ADARB2: variants seen among roughly 807,000 people sequenced by gnomAD.
The protein encoded by ADARB2 is adenosine deaminase RNA specific B2 (inactive), also known as inactive double-stranded RNA-specific editase B2.
Under a neutral mutation model 62.2 loss-of-function variants are expected in ADARB2, and 25 were observed. That is an observed-to-expected ratio of 0.40 (90% CI 0.29 to 0.56). The LOEUF (loss-of-function observed/expected upper bound fraction) is 0.56. Among genes scored for constraint, ADARB2 ranks in the 20% least tolerant of loss-of-function variants. The pLI is 0.43. For synonymous variants in ADARB2, 572 were observed against 500.8 expected (o/e 1.14, Z -1.90); for missense variants, 1,071 against 1,077.4 (o/e 0.99, Z 0.08).
At chr10:1,440,427 T>TG in intron 1 of ADARB2, among the ~76,000 whole-genome samples, 1 of 150,978 alleles carries the variant, frequency 6.6e-6, no homozygotes, top group Non-Finnish European at 1.5e-5. Flanking sequence ...AACGCCTTTT[T>TG]TTTTTTTTTC....
At chr10:1,581,826 ATGTGTGTGTGTGTGTGTGTGTG>A (rs56180704) in intron 1 of ADARB2, among the ~76,000 whole-genome samples, 1 of 148,392 alleles carries the variant, frequency 6.7e-6, no homozygotes, top group African/African-American at 2.5e-5. Flanking sequence ...TTAGAAATAG[ATGTGTGTGTGTGTGTGTGTGTG>A]TGTGTGTGTG....
chr10:1,352,437 CT>C (rs1832153018), intron 3 of ADARB2, among the ~76,000 whole-genome samples: 1 of 152,184 alleles, frequency 6.6e-6, no homozygotes. Context: ...CTAGCTCTCC[CT>C]GACTCATCCT....
intron 1 of ADARB2, among the ~76,000 whole-genome samples, chr10:1,419,319 C>T (rs1247193444): frequency 1.3e-5 from 2 of 152,184 alleles, no homozygotes; most frequent in Non-Finnish European, 2.9e-5. Flanking sequence ...TGGTCTCGAA[C>T]TCCTGACCTC....
intron 3 of ADARB2, among the ~76,000 whole-genome samples, chr10:1,344,524 GTA>G (rs1442183546): frequency 1.3e-5 from 2 of 152,242 alleles, no homozygotes; most frequent in Non-Finnish European, 2.9e-5. Flanking sequence ...TGAACGCTGA[GTA>G]TAAGAGGGGA....
intron 1 of ADARB2, among the ~76,000 whole-genome samples, chr10:1,443,083 C>CAACA (rs140440943): frequency 0.03 from 4,517 of 152,190 alleles, 122 homozygotes; most frequent in African/African-American, 0.072. Flanking sequence ...TGAATAAAAA[C>CAACA]AACAAACAAA....
chr10:1,270,338 G>A (rs1464951202), intron 4 of ADARB2, among the ~76,000 whole-genome samples: 1 of 152,154 alleles, frequency 6.6e-6, no homozygotes, highest in African/African-American at 2.4e-5. Context: ...AAGTGTGTGA[G>A]AGTGTAGTGA....
intron 1 of ADARB2, among the ~76,000 whole-genome samples, chr10:1,441,372 A>T (rs1403934913): frequency 6.6e-6 from 1 of 152,266 alleles, no homozygotes; most frequent in Non-Finnish European, 1.5e-5. Context: ...CATCTGAAAG[A>T]AAGAAGAGTT....
At chr10:1,571,737 AATGGACAGGTGAGTGTG>A (rs1832937361) in intron 1 of ADARB2, among the ~76,000 whole-genome samples, 2 of 119,710 alleles carry the variant, frequency 1.7e-5, no homozygotes, top group African/African-American at 7.4e-5. Flanking sequence ...TGTGCAGGTG[AATGGACAGGTGAGTGTG>A]CAGGTGAGTG....
At chr10:1,732,389 C>A (rs201185543) in intron 1 of ADARB2, among the ~76,000 whole-genome samples, 1 of 151,766 alleles carries the variant, frequency 6.6e-6, no homozygotes, top group Non-Finnish European at 1.5e-5. Flanking sequence ...CTGCAGGAAC[C>A]GAGTCACCCC....
At chr10:1,609,934 C>T (rs897463012) in intron 1 of ADARB2, among the ~76,000 whole-genome samples, 1 of 152,254 alleles carries the variant, frequency 6.6e-6, no homozygotes, top group Admixed American at 6.5e-5. Context: ...ATTAGGATTG[C>T]AGCAGGCCGA....
chr10:1,733,214 T>G (rs1298864198), intron 1 of ADARB2, among the ~76,000 whole-genome samples: 1 of 152,148 alleles, frequency 6.6e-6, no homozygotes, highest in Non-Finnish European at 1.5e-5. Context: ...AACCCCAGCC[T>G]CCAATGTACC....
At chr10:1,566,934 A>C (rs1832867235) in intron 1 of ADARB2, among the ~76,000 whole-genome samples, 1 of 152,264 alleles carries the variant, frequency 6.6e-6, no homozygotes, top group African/African-American at 2.4e-5. Flanking sequence ...AAGATCAGAA[A>C]TGAAGAAGTA....
intron 1 of ADARB2, among the ~76,000 whole-genome samples, chr10:1,438,881 T>A (rs1484267249): frequency 2.4e-5 from 1 of 41,846 alleles, no homozygotes; most frequent in Non-Finnish European, 4.3e-5. Flanking sequence ...GGAGGCAGGT[T>A]CTTCACTATG....
chr10:1,673,523 G>C (rs926905368), intron 1 of ADARB2, among the ~76,000 whole-genome samples: 5 of 152,190 alleles, frequency 3.3e-5, no homozygotes, highest in Admixed American at 6.5e-5. Context: ...CTTTCTAGTA[G>C]TAGTCACAGA....
chr10:1,613,692 A>G (rs7897169), intron 1 of ADARB2, among the ~76,000 whole-genome samples: 31,353 of 152,154 alleles, frequency 0.21, 3,738 homozygotes, highest in Non-Finnish European at 0.28. Context: ...TCAAAGGTGG[A>G]GTTGAATAGA....
At chr10:1,533,987 G>T (rs115302977) in intron 1 of ADARB2, among the ~76,000 whole-genome samples, 1 of 144,926 alleles carries the variant, frequency 6.9e-6, no homozygotes, top group African/African-American at 2.5e-5. Context: ...TTATTTTATG[G>T]ATATGCAGGT....
chr10:1,192,498 A>G (rs1836856665), intron 8 of ADARB2, among the ~76,000 whole-genome samples: 1 of 152,238 alleles, frequency 6.6e-6, no homozygotes, highest in African/African-American at 2.4e-5. Context: ...ATTATCATTG[A>G]TATGAATGTC....
At chr10:1,641,008 T>A (rs1588334843) in intron 1 of ADARB2, among the ~76,000 whole-genome samples, 1 of 152,198 alleles carries the variant, frequency 6.6e-6, no homozygotes, top group Non-Finnish European at 1.5e-5. Flanking sequence ...GCTTAGATTC[T>A]AGCGAAAAAG....
intron 1 of ADARB2, among the ~76,000 whole-genome samples, chr10:1,606,514 C>T (rs952672782): frequency 6.6e-6 from 1 of 152,144 alleles, no homozygotes; most frequent in African/African-American, 2.4e-5. Context: ...GCAAAACATG[C>T]AATGAGATGA....
Sources: allele counts gnomAD v4.1 joint callset (sites outside exome capture counted in the v4.1 genomes callset), GRCh38; gene constraint gnomAD v4.1.1; transcripts MANE v1.5; gene names NCBI Gene and HGNC (gene_info 2026-07-23, HGNC 2026-07-21).